The following FLII variants were observed in gnomAD, a reference collection of about 807,000 sequenced individuals.
The protein encoded by FLII is FLII actin remodeling protein.
A neutral mutation model predicts 156.2 loss-of-function variants in FLII; 101 were observed. The observed-to-expected ratio is 0.65, with a 90% CI of 0.55 to 0.76. The LOEUF (loss-of-function observed/expected upper bound fraction) is 0.76, where lower values mean the gene tolerates loss of function less well. FLII is among the 30% of genes least tolerant of loss of function. The pLI is 0.00. For synonymous variants in FLII, 767 were observed against 685.8 expected (o/e 1.12, Z -1.85); for missense variants, 1,675 against 1,682.8 (o/e 1.00, Z 0.08).
chr17:18,253,900 T>C, intron 7 of FLII, 179 bp downstream of exon 7: 2 of 776,148 alleles, frequency 2.6e-6, no homozygotes, highest in South Asian at 3.7e-5. Context: ...GCGGGGGAGT[T>C]TTCTAGGCAT....
rs1416992858 is a variant in FLII at position 18,245,041 on chromosome 17, GGAGCAGGTGGTGTCACCT to G, written c.*79_*96del. ...GGGGACTGTGGCACTGGACGTGGCT[GGAGCAGGTGGTGTCACCT>G]GAGTACATTCTTTGCTAGCAGACAG... On this transcript the variant is annotated 3_prime_UTR_variant, in exon 30 of 30. Coordinates refer to ENST00000327031, the MANE Select transcript of FLII (RefSeq NM_002018.4). 2 of 1,359,810 alleles carry G rather than the reference GGAGCAGGTGGTGTCACCT, an allele frequency of 1.5e-6. No homozygotes were observed. Among genetic ancestry groups the G allele is most frequent in the Non-Finnish European group, 2.0e-6 (2 of 985,568 alleles). The allele number at this position is 1,359,810 out of a possible 1,614,324, so 84.2% of individuals were successfully genotyped here.
At chr17:18,248,488 C>G (rs1295115621) in intron 18 of FLII, 62 bp downstream of exon 18, 1 of 1,493,108 alleles carries the variant, frequency 6.7e-7, no homozygotes, top group Non-Finnish European at 9.1e-7. Context: ...GGTGTGTAGT[C>G]CATTCCCCCA....
At chr17:18,246,101 T>G in intron 25 of FLII, 39 bp from the exon 26 acceptor site, 6 of 1,614,072 alleles carry the variant, frequency 3.7e-6, no homozygotes, top group Non-Finnish European at 5.1e-6. Context: ...CGCAGCTGAC[T>G]CAGCCCCCAA....
chr17:18,245,264 G>A lies in FLII; in HGVS notation c.3684C>T (p.Ile1228=), dbSNP rs919756583. ...KLSLKACQVY[I]QHMRSKEHER... ...CATGTTCCTTGGACCGCATGTGCTGGATATATACCTGGCAAGGGGACAGCG... is the reference window on the plus strand; with the variant it reads ...CATGTTCCTTGGACCGCATGTGCTGAATATATACCTGGCAAGGGGACAGCG... The change falls in exon 30 of 30, where the codon ATC becomes ATT. Residue 1228 remains isoleucine, a synonymous_variant. Coordinates refer to ENST00000327031, the MANE Select transcript of FLII (RefSeq NM_002018.4). 6.2e-7 allele frequency: 1 copy of A among 1,612,968 alleles called. No individual in the cohort carries two copies. Among genetic ancestry groups the A allele is most frequent in the Non-Finnish European group, 8.5e-7 (1 of 1,179,058 alleles).
Position 18,250,830 on chromosome 17 carries a change from G to A in FLII, c.1776+8C>T, listed in dbSNP as rs1453936084. 2.5e-6 allele frequency: 4 copies of A among 1,605,702 alleles called. No individual in the cohort carries two copies. The highest frequency in any genetic ancestry group is 3.4e-6 in the Non-Finnish European group (4 of 1,173,988). ...CTCTGCCCACCCCCAATTTTAACGG[G>A]CTGGCACCTGCAGGAACTCCTCGCT... On this transcript the variant is annotated splice_region_variant and intron_variant, in intron 14 of 29. Coordinates refer to ENST00000327031, the MANE Select transcript of FLII (RefSeq NM_002018.4).
rs192574346 is a variant in FLII at position 18,253,799 on chromosome 17, T to C, written c.680-80A>G. Reference sequence around the variant, plus strand: ...AGCCAGCCCTAGTGTGAACCCCAGCTCTGCCACCTCTGAGCTGTGTGGCTT... The same window carrying C: ...AGCCAGCCCTAGTGTGAACCCCAGCCCTGCCACCTCTGAGCTGTGTGGCTT... On this transcript the variant is annotated intron_variant, in intron 7 of 29. Transcript: ENST00000327031. 23 of 1,357,530 alleles carry C rather than the reference T, an allele frequency of 1.7e-5. No homozygotes were observed. In the Admixed American group the frequency reaches 1.8e-4, roughly 10 times the overall value. 84.1% of individuals were successfully genotyped at this position (1,357,530 alleles called of 1,614,324 possible).
At position 18,246,572 on chromosome 17, in the gene FLII, C is replaced by T. The variant is rs766370090; in HGVS notation, c.3051+22G>A. 2.5e-6 allele frequency: 4 copies of T among 1,612,910 alleles called. No individual in the cohort carries two copies. In the East Asian group the frequency reaches 8.9e-5, roughly 36 times the overall value. On this transcript the variant is annotated intron_variant, in intron 23 of 29. Transcript: ENST00000327031. Reference sequence around the variant, plus strand: ...CCACACCCCTCCGCCTGGCCTCGGGCTCGCGGGGCTGCCAGGCACACCTCC... The same window carrying T: ...CCACACCCCTCCGCCTGGCCTCGGGTTCGCGGGGCTGCCAGGCACACCTCC...
chr17:18,254,042 G>A, intron 7 of FLII, 37 bp downstream of exon 7: 1 of 1,521,146 alleles, frequency 6.6e-7, no homozygotes, highest in East Asian at 2.3e-5. Context: ...GGCCCAGAGG[G>A]GGCCCGAGCT....
Position 18,250,853 on chromosome 17 carries a change from G to C in FLII, c.1761C>G (p.Ser587Arg). Reference protein sequence around the residue: ...RTVREEMGDESEEFLQVFDND... With the variant: ...RTVREEMGDEREEFLQVFDND... ...GGGCTGGCACCTGCAGGAACTCCTC[G>C]CTCTCATCGCCCATCTCCTCCCGGA... The change falls in exon 14 of 30, where the codon AGC becomes AGG. Residue 587 changes from serine to arginine, a missense_variant. Coordinates refer to ENST00000327031, the MANE Select transcript of FLII (RefSeq NM_002018.4). 6.2e-7 allele frequency: 1 copy of C among 1,612,996 alleles called. No homozygotes were observed. The highest frequency in any genetic ancestry group is 8.5e-7 in the Non-Finnish European group (1 of 1,179,284).
chr17:18,256,333 C>G (rs1488607244), intron 3 of FLII, among the ~76,000 whole-genome samples, 193 bp downstream of exon 3: 1 of 152,242 alleles, frequency 6.6e-6, no homozygotes, highest in East Asian at 1.9e-4. Context: ...TTCTCTGATC[C>G]ACATGGGTTA....
In FLII at chr17:18,249,200, T is replaced by G. The variant is rs752019447; in HGVS notation, c.1861A>C (p.Met621Leu). 4.3e-6 allele frequency: 7 copies of G among 1,614,068 alleles called. No individual in the cohort carries two copies. The highest frequency in any genetic ancestry group is 3.3e-4 in the Middle Eastern group (2 of 6,062). ...TTCTTTTTCCCATACACACGATACATCCTGGGCGCAGGGCAAGAGTGGCTC... is the reference window on the plus strand; with the variant it reads ...TTCTTTTTCCCATACACACGATACAGCCTGGGCGCAGGGCAAGAGTGGCTC... ...TVEDTHYVTRMYRVYGKKNIK... is the reference protein window; with the variant it reads ...TVEDTHYVTRLYRVYGKKNIK... The change falls in exon 16 of 30, where the codon ATG becomes CTG. Residue 621 changes from methionine to leucine, a missense_variant and splice_region_variant. By Grantham distance (15) the Met-to-Leu change is conservative (BLOSUM62 2). Coordinates refer to ENST00000327031, the MANE Select transcript of FLII (RefSeq NM_002018.4).
chr17:18,248,481 G>A (rs1459170811), intron 18 of FLII, 69 bp downstream of exon 18: 65 of 1,431,852 alleles, frequency 4.5e-5, no homozygotes, highest in Non-Finnish European at 2.8e-5. Flanking sequence ...CTACATCGGT[G>A]TGTAGTCCAT....
upstream of FLII, chr17:18,259,015 A>G (rs368037255): frequency 5.9e-4 from 108 of 184,268 alleles, 1 homozygote; most frequent in East Asian, 9.8e-3. Context: ...GCTGCAGCAC[A>G]TGAAGCTGGC....
In FLII at chr17:18,246,458, A is replaced by G. The variant is rs753121182; in HGVS notation, c.3056T>C (p.Val1019Ala). ...GTTCTCCTGCTGCTGCGTCATGCGT[A>G]CCACCTGGGGATGTGGAAGTGTTAG... is the stretch of plus-strand genomic sequence containing the variant. ...ESLFPGKLEV[V>A]RMTQQQENPK... Residue 1019 changes from valine (V) to alanine (A), a missense_variant, in exon 24 of 30, where the codon GTA becomes GCA. Physicochemically the swap from Val to Ala is moderately conservative, Grantham distance 64. Transcript: ENST00000327031. The G allele has an allele frequency of 6.2e-7, 1 of 1,613,802 alleles. No homozygotes were observed. Among genetic ancestry groups the G allele is most frequent in the Admixed American group, 1.7e-5 (1 of 60,016 alleles).
chr17:18,256,642 G>A (rs1278398024), intron 2 of FLII, 45 bp from the exon 3 acceptor site: 1 of 1,497,092 alleles, frequency 6.7e-7, no homozygotes, highest in Non-Finnish European at 9.1e-7. Context: ...TGGGTGGGGT[G>A]TCCAGAGTCC....
At position 18,254,128 on chromosome 17, in the gene FLII, G is replaced by A. The variant is rs1410742440; in HGVS notation, c.630C>T (p.Arg210=). The A allele has an allele frequency of 6.2e-7, 1 of 1,611,970 alleles. No homozygotes were observed. Among genetic ancestry groups the A allele is most frequent in the East Asian group, 2.2e-5 (1 of 44,824 alleles). ...GGCTGGTGGGCAGGTTGCTCTGGGT[G>A]CGCTGGGTGCTCCGCAGGTGCAGGG... ...LQTLHLRSTQ[R]TQSNLPTSLE... Residue 210 remains arginine, a synonymous_variant, in exon 7 of 30, where the codon CGC becomes CGT. Coordinates refer to ENST00000327031, the MANE Select transcript of FLII (RefSeq NM_002018.4).
chr17:18,248,967 C>T (rs1311588774), intron 16 of FLII, 84 bp from the exon 17 acceptor site: 2 of 1,448,696 alleles, frequency 1.4e-6, no homozygotes, highest in Non-Finnish European at 9.7e-7. Flanking sequence ...AAAAAAAATC[C>T]CTCACTATGG....
chr17:18,245,153 G>A lies in FLII; in HGVS notation c.3795C>T (p.Cys1265=), dbSNP rs766818378. ...CCAGCCTGTCTTAGGCCAGGGCCTT[G>A]CAGAAGGCGCTCCAGGCGTGGAAGC... is the stretch of plus-strand genomic sequence containing the variant. The part of the protein sequence containing the change: ...TRCFHAWSAF[C]KALA Residue 1265 remains cysteine, a synonymous_variant, in exon 30 of 30, where the codon TGC becomes TGT. Transcript: ENST00000327031. 5.0e-6 allele frequency: 8 copies of A among 1,613,310 alleles called. No individual in the cohort carries two copies. The highest frequency in any genetic ancestry group is 3.3e-5 in the South Asian group (3 of 91,012).
chr17:18,251,645 G>A, intron 12 of FLII, 35 bp downstream of exon 12: 1 of 1,613,322 alleles, frequency 6.2e-7, no homozygotes, highest in Non-Finnish European at 8.5e-7. Context: ...AGAAGCTAAG[G>A]CTCCCTGCCT....
Sources: allele counts gnomAD v4.1 joint callset (sites outside exome capture counted in the v4.1 genomes callset), GRCh38; gene constraint gnomAD v4.1.1; transcripts MANE v1.5; gene names NCBI Gene and HGNC (gene_info 2026-07-23, HGNC 2026-07-21).